Variants in SPOCK1 observed in about 807,000 individuals in gnomAD.
SPOCK1 encodes testican-1.
In SPOCK1, 23 loss-of-function variants were observed where a neutral mutation model predicts 55.3. The observed-to-expected ratio is 0.42, with a 90% CI of 0.30 to 0.59. The LOEUF is 0.59. Ranked by LOEUF, SPOCK1 falls within the 20% of genes least tolerant of loss-of-function variation. SPOCK1 has a pLI of 0.22. For synonymous variants in SPOCK1, 226 were observed against 221.0 expected, an observed-to-expected ratio of 1.02 and a Z score of -0.20; for missense variants, 499 against 552.5, an observed-to-expected ratio of 0.90 and a Z score of 0.97.
At chr5:137,492,467 C>T (rs1754204743) in intron 2 of SPOCK1, among the ~76,000 whole-genome samples, 1 of 152,104 alleles carries the variant, frequency 6.6e-6, no homozygotes, top group Non-Finnish European at 1.5e-5. Flanking sequence ...GTAACTTGAC[C>T]CCTGGATCCA....
At chr5:137,199,019 G>C (rs1025105418) in intron 3 of SPOCK1, among the ~76,000 whole-genome samples, 14 of 152,172 alleles carry the variant, frequency 9.2e-5, no homozygotes, top group Admixed American at 8.5e-4. Context: ...GTTTGTCAAA[G>C]ACCTACCAAT....
intron 6 of SPOCK1, among the ~76,000 whole-genome samples, chr5:137,041,813 G>A (rs1191360120): frequency 6.6e-6 from 1 of 152,122 alleles, no homozygotes; most frequent in Non-Finnish European, 1.5e-5. Flanking sequence ...CCAATTGCTG[G>A]CAATCATGCA....
intron 5 of SPOCK1, among the ~76,000 whole-genome samples, chr5:137,109,295 G>A (rs143317128): frequency 1.1e-3 from 168 of 152,326 alleles, no homozygotes; most frequent in African/African-American, 3.8e-3. Context: ...AGAGCCCCAG[G>A]TTGGGTGTTC....
In SPOCK1 at chr5:137,301,580, T is replaced by C. The variant is rs60698100; in HGVS notation, c.187-34525A>G. Among the ~76,000 whole-genome samples, 239 of 150,254 alleles carry C rather than the reference T, an allele frequency of 1.6e-3. 1 individual carries two copies. The highest frequency in any genetic ancestry group is 5.7e-3 in the African/African-American group (231 of 40,822). On this transcript the variant is annotated intron_variant, in intron 2 of 10. Coordinates refer to ENST00000394945, the MANE Select transcript of SPOCK1 (RefSeq NM_004598.4). ...CATCTCCTGTTTCTAGGGTATGAAC[T>C]CCGGTTGTGATCTTCAGGAACTACC...
At chr5:137,483,482 A>G (rs1184179676) in intron 2 of SPOCK1, among the ~76,000 whole-genome samples, 2 of 152,226 alleles carry the variant, frequency 1.3e-5, no homozygotes, top group Non-Finnish European at 2.9e-5. Flanking sequence ...TGTTTTGTTC[A>G]GAGCTGTGTC....
At chr5:137,138,530 A>ACACAC (rs1561623568) in intron 4 of SPOCK1, among the ~76,000 whole-genome samples, 17 of 125,536 alleles carry the variant, frequency 1.4e-4, no homozygotes, top group Non-Finnish European at 2.1e-4. Flanking sequence ...CACACACACC[A>ACACAC]CACACACATG....
At chr5:137,435,596 T>C (rs1434176742) in intron 2 of SPOCK1, among the ~76,000 whole-genome samples, 2 of 152,218 alleles carry the variant, frequency 1.3e-5, no homozygotes, top group East Asian at 3.8e-4. Flanking sequence ...AAGGGGCACA[T>C]ATAAGCCATC....
At chr5:137,491,427 A>G (rs1278082137) in intron 2 of SPOCK1, among the ~76,000 whole-genome samples, 1 of 152,196 alleles carries the variant, frequency 6.6e-6, no homozygotes, top group Non-Finnish European at 1.5e-5. Flanking sequence ...CTCTGCCATG[A>G]CAGCCCTCTG....
At chr5:137,417,954 C>G (rs940720211) in intron 2 of SPOCK1, among the ~76,000 whole-genome samples, 1 of 152,284 alleles carries the variant, frequency 6.6e-6, no homozygotes, top group East Asian at 1.9e-4. Flanking sequence ...TTCCTCCCCC[C>G]TCCCGCTACC....
chr5:137,070,661 C>T (rs537163181), intron 5 of SPOCK1, among the ~76,000 whole-genome samples: 27 of 152,314 alleles, frequency 1.8e-4, no homozygotes, highest in African/African-American at 5.8e-4. Flanking sequence ...CTCCCTGAGA[C>T]GCCTCTTTGA....
At chr5:137,440,388 T>C (rs564292220) in intron 2 of SPOCK1, among the ~76,000 whole-genome samples, 16 of 152,064 alleles carry the variant, frequency 1.1e-4, no homozygotes, top group Non-Finnish European at 1.9e-4. Context: ...GGCCCAAGAA[T>C]GTAATGGTAG....
At chr5:137,219,426 C>T (rs968711164) in intron 3 of SPOCK1, among the ~76,000 whole-genome samples, 3 of 152,098 alleles carry the variant, frequency 2.0e-5, no homozygotes, top group African/African-American at 7.2e-5. Context: ...CTAGAATGGG[C>T]CTAATGAGCC....
intron 2 of SPOCK1, among the ~76,000 whole-genome samples, chr5:137,289,336 C>T (rs766464288): frequency 6.6e-6 from 1 of 152,090 alleles, no homozygotes; most frequent in Non-Finnish European, 1.5e-5. Flanking sequence ...AAAGGAAATA[C>T]TTGATTGGCT....
At chr5:137,406,248 A>C (rs182355638) in intron 2 of SPOCK1, among the ~76,000 whole-genome samples, 1 of 152,226 alleles carries the variant, frequency 6.6e-6, no homozygotes, top group Non-Finnish European at 1.5e-5. Context: ...GTCAGCCCCT[A>C]GTGCTTGACG....
At chr5:137,031,821 G>A (rs918498766) in intron 6 of SPOCK1, among the ~76,000 whole-genome samples, 8 of 151,824 alleles carry the variant, frequency 5.3e-5, no homozygotes, top group South Asian at 4.2e-4. Context: ...AGTGGGTGGC[G>A]AAAATGACAG....
chr5:137,036,435 T>TC (rs1751885602), intron 6 of SPOCK1, among the ~76,000 whole-genome samples: 2 of 147,072 alleles, frequency 1.4e-5, no homozygotes, highest in Admixed American at 6.7e-5. Flanking sequence ...CTCCCTAAGC[T>TC]CTCTCTACTT....
chr5:137,415,883 C>T (rs563778683), intron 2 of SPOCK1, among the ~76,000 whole-genome samples: 1 of 152,234 alleles, frequency 6.6e-6, no homozygotes, highest in South Asian at 2.1e-4. Flanking sequence ...ATCCCAAAAG[C>T]TCAAGTCACC....
intron 5 of SPOCK1, among the ~76,000 whole-genome samples, chr5:137,077,657 A>T (rs903338975): frequency 6.6e-6 from 1 of 152,230 alleles, no homozygotes; most frequent in African/African-American, 2.4e-5. Context: ...TGGAGGCATA[A>T]AGGCCTGCAG....
intron 6 of SPOCK1, among the ~76,000 whole-genome samples, chr5:137,033,342 G>A (rs557306518): frequency 2.0e-5 from 3 of 152,318 alleles, no homozygotes; most frequent in South Asian, 2.1e-4. Flanking sequence ...ACGTGCCTTC[G>A]AATTTGCATG....
Sources: gnomAD v4.1 joint callset for allele counts (sites outside exome capture counted in the v4.1 genomes callset) on GRCh38, gnomAD v4.1.1 for gene constraint, MANE v1.5 for transcripts, NCBI Gene and HGNC (gene_info 2026-07-23, HGNC 2026-07-21) for gene names.